The following RYR2 variants were observed in gnomAD, a reference collection of about 807,000 sequenced individuals.
RYR2 encodes the protein ryanodine receptor 2.
In RYR2, 227 loss-of-function variants were observed where a neutral mutation model predicts 601.1. The observed-to-expected ratio is 0.38, with a 90% CI of 0.34 to 0.42. The LOEUF is 0.42. Ranked by LOEUF, RYR2 falls within the 10% of genes least tolerant of loss-of-function variation. RYR2 has a pLI of 1.00. For missense variants in RYR2, 4,646 were observed against 6,156.5 expected (o/e 0.75, Z 8.21); for synonymous variants, 2,223 against 2,175.1 (o/e 1.02, Z -0.61).
chr1:237,178,308 G>A (rs1034548093), intron 1 of RYR2, among the ~76,000 whole-genome samples: 4 of 151,808 alleles, frequency 2.6e-5, no homozygotes, highest in African/African-American at 2.4e-5. Flanking sequence ...TTCTCTTTCC[G>A]GAGTTCTTTG....
At chr1:237,472,791 A>G (rs374285819) in intron 17 of RYR2, among the ~76,000 whole-genome samples, 3 of 152,204 alleles carry the variant, frequency 2.0e-5, no homozygotes, top group South Asian at 2.1e-4. Flanking sequence ...CATAGGCTGT[A>G]GAAATATGTA....
intron 1 of RYR2, among the ~76,000 whole-genome samples, chr1:237,137,748 G>T (rs1672947142): frequency 6.6e-6 from 1 of 152,068 alleles, no homozygotes; most frequent in African/African-American, 2.4e-5. Flanking sequence ...TTTTTGTAAG[G>T]CAAAGATCTC....
At chr1:237,638,633 T>A in intron 45 of RYR2, 141 bp downstream of exon 45, 1 of 907,248 alleles carries the variant, frequency 1.1e-6, no homozygotes, top group Non-Finnish European at 1.7e-6. Flanking sequence ...TTTTTCACAG[T>A]AACCACTTAT....
At chr1:237,344,644 G>A (rs1423548219) in intron 3 of RYR2, among the ~76,000 whole-genome samples, 1 of 151,718 alleles carries the variant, frequency 6.6e-6, no homozygotes, top group Non-Finnish European at 1.5e-5. Flanking sequence ...CTTATCACTG[G>A]GTGTTCACAT....
chr1:237,667,007 A>C (rs910938501), intron 57 of RYR2, among the ~76,000 whole-genome samples: 1 of 152,214 alleles, frequency 6.6e-6, no homozygotes, highest in Non-Finnish European at 1.5e-5. Context: ...TATGTTAAAT[A>C]GTTGTGTGTG....
intron 1 of RYR2, among the ~76,000 whole-genome samples, chr1:237,046,173 G>A (rs1660581570): frequency 6.6e-6 from 1 of 152,122 alleles, no homozygotes; most frequent in African/African-American, 2.4e-5. Context: ...CAATTATGCA[G>A]TATAGATGCT....
At chr1:237,418,185 G>A (rs1705203984) in intron 11 of RYR2, among the ~76,000 whole-genome samples, 1 of 152,068 alleles carries the variant, frequency 6.6e-6, no homozygotes, top group African/African-American at 2.4e-5. Flanking sequence ...TGGGACTACA[G>A]GCACCTGCCA....
rs1201977099 is a variant in RYR2, at chr1:237,180,634, ATATATGTATATG to A, written c.49-89855_49-89844del. ...TATATATGTATATATGTATATGTGT[ATATATGTATATG>A]TATATGTGTATATATGTATACATGT... On this transcript the variant is annotated intron_variant, in intron 1 of 104. Transcript: ENST00000366574. This position sits in a 1 kb window ranked among gnomAD's most constrained non-coding sequence, Gnocchi z 5.3. Among the ~76,000 whole-genome samples the A allele has an allele frequency of 2.5e-5, 3 of 120,046 alleles. No homozygotes were observed. Among genetic ancestry groups the A allele is most frequent in the Admixed American group, 9.0e-5 (1 of 11,164 alleles). 78.8% of individuals were successfully genotyped at this position (120,046 alleles called of 152,430 possible).
intron 19 of RYR2, among the ~76,000 whole-genome samples, chr1:237,494,015 G>A (rs1663740948): frequency 6.6e-6 from 1 of 152,132 alleles, no homozygotes; most frequent in African/African-American, 2.4e-5. Flanking sequence ...GTGGAACTTA[G>A]ATCTAAATCC....
intron 10 of RYR2, among the ~76,000 whole-genome samples, chr1:237,402,148 C>G (rs917490658): frequency 3.3e-5 from 5 of 151,746 alleles, no homozygotes; most frequent in African/African-American, 1.2e-4. Context: ...AATCTCAACA[C>G]TTTGGGAAGC....
At chr1:237,813,206 T>C (rs1393814451) in intron 100 of RYR2, among the ~76,000 whole-genome samples, 1 of 152,136 alleles carries the variant, frequency 6.6e-6, no homozygotes, top group Non-Finnish European at 1.5e-5. Flanking sequence ...AAGGTAGCAG[T>C]AGCAGGTACA....
chr1:237,556,786 G>A (rs1439812653), intron 27 of RYR2, among the ~76,000 whole-genome samples: 2 of 145,518 alleles, frequency 1.4e-5, no homozygotes, highest in Admixed American at 7.1e-5. Context: ...AACACAGGGG[G>A]TTTAAATCAG....
At chr1:237,195,196 G>A (rs547016166) in intron 1 of RYR2, among the ~76,000 whole-genome samples, 41 of 152,210 alleles carry the variant, frequency 2.7e-4, no homozygotes, top group African/African-American at 9.2e-4. Context: ...TACAGAAAAT[G>A]CAGAAAAATA....
intron 2 of RYR2, among the ~76,000 whole-genome samples, chr1:237,276,409 A>G (rs559747512): frequency 1.3e-5 from 2 of 152,336 alleles, no homozygotes; most frequent in African/African-American, 4.8e-5. Context: ...CTCAGTGCAT[A>G]TATTATTAAA....
Position 237,369,562 on chromosome 1 carries a change from T to A in RYR2, c.338T>A (p.Leu113His). 2 of 1,565,152 alleles carry A rather than the reference T, an allele frequency of 1.3e-6. No individual in the cohort carries two copies. The highest frequency in any genetic ancestry group is 1.7e-6 in the Non-Finnish European group (2 of 1,153,006). Residue 113 changes from leucine (L) to histidine (H), a missense_variant, in exon 6 of 105, where the codon CTC becomes CAC. Physicochemically the swap from Leu to His is moderately conservative, Grantham distance 99. Around this residue, in one of 17 missense-constraint regions of RYR2, gnomAD observed 153 missense variants for 203.6 expected, o/e 0.75. Transcript: ENST00000366574. The stretch of plus-strand genomic sequence containing the variant: ...GCTCAAGGTGGTGGTCATCGAACAC[T>A]CCTCTACGGACATGCCATATTGCTG... ...KTAQGGGHRT[L>H]LYGHAILLRH... is the part of the protein sequence containing the mutation.
At chr1:237,644,963 G>A (rs1246414129) in intron 48 of RYR2, among the ~76,000 whole-genome samples, 1 of 152,096 alleles carries the variant, frequency 6.6e-6, no homozygotes, top group African/African-American at 2.4e-5. Context: ...ACCCGGGGCA[G>A]TGGGGAGGTT....
At chr1:237,370,186 T>G (rs2149758694) in intron 6 of RYR2, among the ~76,000 whole-genome samples, 1 of 151,976 alleles carries the variant, frequency 6.6e-6, no homozygotes, top group Non-Finnish European at 1.5e-5. Flanking sequence ...TATAAATACT[T>G]TAATGTATTC....
At chr1:237,521,894 C>A (rs1667123217) in intron 24 of RYR2, among the ~76,000 whole-genome samples, 1 of 152,110 alleles carries the variant, frequency 6.6e-6, no homozygotes, top group Non-Finnish European at 1.5e-5. Flanking sequence ...CTTGCAGTCA[C>A]ACTGACCTTT....
At chr1:237,344,864 TG>T (rs1417517353) in intron 3 of RYR2, among the ~76,000 whole-genome samples, 13 of 152,236 alleles carry the variant, frequency 8.5e-5, no homozygotes, top group Admixed American at 7.2e-4. Flanking sequence ...TGGAGTGCAG[TG>T]GCACCATCTT....
Sources: gnomAD v4.1 joint callset for allele counts (sites outside exome capture counted in the v4.1 genomes callset) on GRCh38, gnomAD v4.1.1 for gene constraint, gnomAD v4.1.1 regional missense constraint, Gnocchi (gnomAD v3.1) non-coding constraint, MANE v1.5 for transcripts, NCBI Gene and HGNC (gene_info 2026-07-23, HGNC 2026-07-21) for gene names.